The following RBMS3 variants were observed in gnomAD, a reference collection of about 807,000 sequenced individuals.
RBMS3 encodes the protein RNA-binding motif, single-stranded-interacting protein 3.
A neutral mutation model predicts 66.8 loss-of-function variants in RBMS3; 27 were observed. That is an observed-to-expected ratio of 0.40 (90% CI 0.30 to 0.56). The LOEUF (loss-of-function observed/expected upper bound fraction) is 0.56. Among genes scored for constraint, RBMS3 ranks in the 20% least tolerant of loss-of-function variants. The probability of loss-of-function intolerance (pLI) is 0.40; values close to 1 mark genes in which losing one functional copy is unlikely to be tolerated. For missense variants in RBMS3, 513 were observed against 549.5 expected (o/e 0.93, Z 0.66); for synonymous variants, 188 against 183.0 (o/e 1.03, Z -0.22).
At chr3:29,770,700 T>C (rs2056162238) in intron 6 of RBMS3, among the ~76,000 whole-genome samples, 1 of 152,030 alleles carries the variant, frequency 6.6e-6, no homozygotes, top group African/African-American at 2.4e-5. Flanking sequence ...TCTAAGACCA[T>C]GTTGGGCTTT....
intron 1 of RBMS3, among the ~76,000 whole-genome samples, chr3:29,295,305 C>CACACACA (rs1559467244): frequency 0.12 from 545 of 4,630 alleles, 1 homozygote; most frequent in Non-Finnish European, 0.25. Context: ...ACATATATAT[C>CACACACA]TATATATATA....
chr3:29,441,895 A>T (rs910090824), intron 2 of RBMS3, among the ~76,000 whole-genome samples: 1 of 152,170 alleles, frequency 6.6e-6, no homozygotes, highest in East Asian at 1.9e-4. Flanking sequence ...ATTTCATGGG[A>T]CCTACCACTG....
At chr3:29,401,932 C>T (rs534516554) in intron 1 of RBMS3, among the ~76,000 whole-genome samples, 6 of 152,100 alleles carry the variant, frequency 3.9e-5, no homozygotes, top group African/African-American at 1.4e-4. Context: ...AGAAAGACAG[C>T]TTTGAACAAG....
intron 1 of RBMS3, among the ~76,000 whole-genome samples, chr3:29,351,730 ATAT>A (rs2036926124): frequency 6.6e-6 from 1 of 152,066 alleles, no homozygotes; most frequent in Non-Finnish European, 1.5e-5. Context: ...ATGTATAATA[ATAT>A]CTCATATGTT....
chr3:29,561,970 A>G (rs533420871), intron 3 of RBMS3, among the ~76,000 whole-genome samples: 3 of 152,220 alleles, frequency 2.0e-5, no homozygotes, highest in Non-Finnish European at 2.9e-5. Context: ...GATGCTGGAT[A>G]TAAGACCTTT....
At chr3:29,454,386 C>T (rs2042114061) in intron 2 of RBMS3, among the ~76,000 whole-genome samples, 1 of 152,212 alleles carries the variant, frequency 6.6e-6, no homozygotes, top group Non-Finnish European at 1.5e-5. Flanking sequence ...GTTTGCAGCA[C>T]TGTGTCCTCC....
chr3:29,738,452 T>C (rs1409075050), intron 4 of RBMS3, among the ~76,000 whole-genome samples: 1 of 152,200 alleles, frequency 6.6e-6, no homozygotes, highest in Non-Finnish European at 1.5e-5. Context: ...ACAACTAAGT[T>C]CTAAATTATT....
chr3:29,695,219 A>G (rs2149279017), intron 4 of RBMS3, among the ~76,000 whole-genome samples: 1 of 152,320 alleles, frequency 6.6e-6, no homozygotes, highest in South Asian at 2.1e-4. Context: ...GCAAAGATCT[A>G]GTATAAGAAA....
At chr3:29,365,089 C>G (rs2037822772) in intron 1 of RBMS3, among the ~76,000 whole-genome samples, 1 of 150,962 alleles carries the variant, frequency 6.6e-6, no homozygotes, top group African/African-American at 2.5e-5. Flanking sequence ...GATGTGACTA[C>G]AGGTTCCACT....
At chr3:29,634,159 A>C (rs1408739672) in intron 4 of RBMS3, among the ~76,000 whole-genome samples, 13 of 151,932 alleles carry the variant, frequency 8.6e-5, no homozygotes, top group Admixed American at 8.5e-4. Context: ...AGAAAGATAC[A>C]TTCATTCCTT....
intron 4 of RBMS3, among the ~76,000 whole-genome samples, chr3:29,711,940 G>A (rs7427355): frequency 0.12 from 17,896 of 152,144 alleles, 2,201 homozygotes; most frequent in African/African-American, 0.31. Flanking sequence ...AACTGCTCAT[G>A]TATCTTTGGA....
At chr3:29,975,967 T>C (rs907842260) in intron 12 of RBMS3, among the ~76,000 whole-genome samples, 11 of 152,008 alleles carry the variant, frequency 7.2e-5, no homozygotes, top group African/African-American at 2.4e-4. Context: ...GTGGCATATC[T>C]CTGAATATAT....
At chr3:29,629,532 A>G (rs1262544424) in intron 4 of RBMS3, among the ~76,000 whole-genome samples, 2 of 152,128 alleles carry the variant, frequency 1.3e-5, no homozygotes, top group Non-Finnish European at 2.9e-5. Flanking sequence ...TAAAAATGTT[A>G]TGTCTTAACA....
rs113089587 is a variant in RBMS3, at chr3:29,841,612, G to T, written c.638-27246G>T. On this transcript the variant is annotated intron_variant, in intron 6 of 14. Transcript: ENST00000383767. ...TTGATATAATTTAATAGCTCAATAG[G>T]TATTAGCTGAATGAATGAATAACAA... Among the ~76,000 whole-genome samples the T allele has an allele frequency of 2.8e-3, 431 of 152,008 alleles. 8 individuals carry two copies. The highest frequency in any genetic ancestry group is 9.7e-3 in the African/African-American group (401 of 41,536).
chr3:29,639,937 A>G (rs558405714), intron 4 of RBMS3, among the ~76,000 whole-genome samples: 1 of 151,990 alleles, frequency 6.6e-6, no homozygotes, highest in African/African-American at 2.4e-5. Context: ...TAAAAAAAAG[A>G]AGGATATCTG....
chr3:29,591,946 A>G (rs564146558), intron 4 of RBMS3, among the ~76,000 whole-genome samples: 1 of 152,256 alleles, frequency 6.6e-6, no homozygotes, highest in Non-Finnish European at 1.5e-5. Context: ...CAATCACAAA[A>G]GAGACTAAGT....
chr3:29,712,997 A>T (rs545657877), intron 4 of RBMS3, among the ~76,000 whole-genome samples: 1 of 152,200 alleles, frequency 6.6e-6, no homozygotes, highest in Non-Finnish European at 1.5e-5. Context: ...GATATCTCTT[A>T]TTGGTTCTGG....
intron 4 of RBMS3, among the ~76,000 whole-genome samples, chr3:29,672,722 A>G (rs2051058262): frequency 6.6e-6 from 1 of 152,236 alleles, no homozygotes; most frequent in African/African-American, 2.4e-5. Context: ...GATCAATTCA[A>G]CAAGAAGAGC....
At chr3:29,819,538 T>C (rs1055609420) in intron 6 of RBMS3, among the ~76,000 whole-genome samples, 1 of 152,190 alleles carries the variant, frequency 6.6e-6, no homozygotes, top group Non-Finnish European at 1.5e-5. Context: ...AATATCATGG[T>C]TTTGAGATTT....
Sources: gnomAD v4.1 joint callset for allele counts (sites outside exome capture counted in the v4.1 genomes callset) on GRCh38, gnomAD v4.1.1 for gene constraint, MANE v1.5 for transcripts, NCBI Gene and HGNC (gene_info 2026-07-23, HGNC 2026-07-21) for gene names.